Variants in MYL1 observed in about 807,000 individuals in gnomAD.
The protein encoded by MYL1 is myosin light chain 1, also known as myosin light chain 1/3, skeletal muscle isoform.
In MYL1, 16 loss-of-function variants were observed where a neutral mutation model predicts 21.8. The observed-to-expected ratio is 0.74, with a 90% CI of 0.50 to 1.12. MYL1 has a LOEUF of 1.12. MYL1 is among the 50% of genes most tolerant of loss of function. MYL1 has a pLI of 0.00. For synonymous variants in MYL1, 99 were observed against 85.2 expected, an observed-to-expected ratio of 1.16 and a Z score of -0.89; for missense variants, 246 against 241.0, an observed-to-expected ratio of 1.02 and a Z score of -0.14.
chr2:210,306,658 A>G (rs1221009008), intron 1 of MYL1, among the ~76,000 whole-genome samples: 1 of 152,118 alleles, frequency 6.6e-6, no homozygotes, highest in Non-Finnish European at 1.5e-5. Flanking sequence ...TTTAAAAACT[A>G]GAAGACCTAG....
At chr2:210,305,022 T>G (rs1049773479) in intron 1 of MYL1, among the ~76,000 whole-genome samples, 12 of 152,220 alleles carry the variant, frequency 7.9e-5, no homozygotes, top group African/African-American at 2.9e-4. Context: ...TCTACATGTT[T>G]AAAGCAGCTC....
chr2:210,306,374 C>G (rs1690342258), intron 1 of MYL1, among the ~76,000 whole-genome samples: 1 of 127,742 alleles, frequency 7.8e-6, no homozygotes. Context: ...GAGCAAGACT[C>G]CATCTCAAAA....
chr2:210,292,706 G>A (rs1429586981), intron 5 of MYL1, among the ~76,000 whole-genome samples: 1 of 152,082 alleles, frequency 6.6e-6, no homozygotes, highest in African/African-American at 2.4e-5. Flanking sequence ...CCACTCCAAA[G>A]TTATAAAATT....
intron 3 of MYL1, among the ~76,000 whole-genome samples, chr2:210,297,146 CT>C (rs541057808): frequency 6.6e-6 from 1 of 151,440 alleles, no homozygotes. Context: ...AGAATACAGA[CT>C]TTTTTTGACA....
At chr2:210,314,623 C>T (rs144179496) in intron 1 of MYL1, among the ~76,000 whole-genome samples, 196 of 152,196 alleles carry the variant, frequency 1.3e-3, no homozygotes, top group Non-Finnish European at 2.4e-3. Context: ...CACTGTTAAG[C>T]ATATATACTT....
At chr2:210,306,337 C>T (rs114351521) in intron 1 of MYL1, among the ~76,000 whole-genome samples, 10,042 of 149,006 alleles carry the variant, frequency 0.067, 455 homozygotes, top group Non-Finnish European at 0.094. Context: ...GCTGAGATCG[C>T]GCCATTGTAC....
chr2:210,292,165 T>C (rs1207912363), intron 5 of MYL1, among the ~76,000 whole-genome samples: 1 of 152,082 alleles, frequency 6.6e-6, no homozygotes, highest in Admixed American at 6.6e-5. Context: ...ACCTCCCGGG[T>C]TCAAGCGATT....
rs1690470211 is a variant in MYL1, at chr2:210,314,960, G to C, written c.83C>G (p.Pro28Arg). ...TTCTTCTTTGGGTTTGGCTGGGGCAGGGGCAGGTGCAGGTGCCGGTGCCGG... is the reference window on the plus strand; with the variant it reads ...TTCTTCTTTGGGTTTGGCTGGGGCACGGGCAGGTGCAGGTGCCGGTGCCGG... The part of the protein sequence containing the change: ...PAPAPAPAPA[P>R]APAKPKEEKI... Residue 28 changes from proline to arginine, a missense_variant, in exon 1 of 7, where the codon CCT becomes CGT. Pro to Arg is a moderately radical substitution (Grantham distance 103, BLOSUM62 -2). Transcript: ENST00000352451. The C allele has an allele frequency of 6.2e-7, 1 of 1,613,592 alleles. No homozygotes were observed. The highest frequency in any genetic ancestry group is 8.5e-7 in the Non-Finnish European group (1 of 1,179,666).
At position 210,315,036 on chromosome 2, in the gene MYL1, G is replaced by T; in HGVS notation, c.7C>A (p.Pro3Thr). The change falls in exon 1 of 7, where the codon CCA becomes ACA. Residue 3 changes from proline (P) to threonine (T), a missense_variant. Physicochemically the swap from Pro to Thr is conservative, Grantham distance 38. Transcript: ENST00000352451. ...ACAGGTTTCTTCACGTCTTTCTTTG[G>T]TGCCATTTTTTTTTTTAAAAGGGTG... MA[P>T]KKDVKKPVAA... 6.3e-7 allele frequency: 1 copy of T among 1,593,588 alleles called. No individual in the cohort carries two copies. Among genetic ancestry groups the T allele is most frequent in the Non-Finnish European group, 8.5e-7 (1 of 1,174,920 alleles).
intron 5 of MYL1, among the ~76,000 whole-genome samples, chr2:210,293,067 A>G (rs756825337): frequency 6.6e-6 from 1 of 150,866 alleles, no homozygotes; most frequent in East Asian, 1.9e-4. Context: ...GTCTTTATTT[A>G]TATGTAACTT....
intron 1 of MYL1, among the ~76,000 whole-genome samples, chr2:210,309,767 A>G (rs1313185139): frequency 1.3e-5 from 2 of 152,030 alleles, no homozygotes; most frequent in Admixed American, 6.6e-5. Context: ...ACAACTTGCC[A>G]GGGGTTCATT....
chr2:210,292,239 A>G (rs568765749), intron 5 of MYL1, among the ~76,000 whole-genome samples: 5 of 151,788 alleles, frequency 3.3e-5, no homozygotes, highest in Non-Finnish European at 7.4e-5. Flanking sequence ...CGCCCAGCTA[A>G]TTTTTGTATT....
intron 1 of MYL1, among the ~76,000 whole-genome samples, chr2:210,313,898 AC>A (rs1189020773): frequency 6.6e-6 from 1 of 152,046 alleles, no homozygotes; most frequent in Non-Finnish European, 1.5e-5. Context: ...TACATATACA[AC>A]TTTTGGCTTA....
intron 1 of MYL1, among the ~76,000 whole-genome samples, chr2:210,307,639 G>A (rs1355306207): frequency 2.0e-5 from 3 of 152,066 alleles, no homozygotes; most frequent in African/African-American, 7.2e-5. Flanking sequence ...TAGTAAACTA[G>A]TTACATTCCA....
intron 3 of MYL1, among the ~76,000 whole-genome samples, chr2:210,297,613 T>G (rs1028810371): frequency 1.5e-4 from 23 of 152,180 alleles, no homozygotes; most frequent in African/African-American, 5.5e-4. Context: ...TTGTTTGTTT[T>G]GAGTATCATT....
At chr2:210,303,842 A>G (rs1055724595) in intron 1 of MYL1, among the ~76,000 whole-genome samples, 1 of 152,104 alleles carries the variant, frequency 6.6e-6, no homozygotes. Context: ...TATGGTCTTT[A>G]TTTCCAAGAT....
chr2:210,299,550 T>C (rs752052429), intron 2 of MYL1, among the ~76,000 whole-genome samples: 1 of 152,178 alleles, frequency 6.6e-6, no homozygotes, highest in Non-Finnish European at 1.5e-5. Flanking sequence ...TATTTTAAAG[T>C]GTTCTCTATT....
chr2:210,293,257 T>C (rs1205286044), intron 5 of MYL1, among the ~76,000 whole-genome samples: 3 of 152,190 alleles, frequency 2.0e-5, no homozygotes. Context: ...TGGGCTGACT[T>C]TCATGTAAGC....
At chr2:210,298,338 C>CACACACA (rs1690209251) in intron 3 of MYL1, 82 bp downstream of exon 3, 1 of 1,292,868 alleles carries the variant, frequency 7.7e-7, no homozygotes, top group Admixed American at 2.2e-5. Flanking sequence ...CACACACATA[C>CACACACA]TACACACACA....
Sources: gnomAD v4.1 joint callset for allele counts (sites outside exome capture counted in the v4.1 genomes callset) on GRCh38, gnomAD v4.1.1 for gene constraint, MANE v1.5 for transcripts, NCBI Gene and HGNC (gene_info 2026-07-23, HGNC 2026-07-21) for gene names.